Variants in SYNE1 observed in about 807,000 individuals in gnomAD.
SYNE1 encodes spectrin repeat containing nuclear envelope protein 1.
SYNE1 carries 616 observed loss-of-function variants against 1,111.0 expected under a neutral mutation model. The ratio of observed to expected loss-of-function variants is 0.55; its 90% CI spans 0.52 to 0.59. The LOEUF is 0.59. SYNE1 is among the 20% of genes least tolerant of loss of function. The probability of loss-of-function intolerance (pLI) is 0.00; values close to 1 mark genes in which losing one functional copy is unlikely to be tolerated. For missense variants in SYNE1, 10,006 were observed against 10,417.0 expected (o/e 0.96, Z 1.72); for synonymous variants, 3,855 against 3,825.8 (o/e 1.01, Z -0.28).
rs111683132 is a variant in SYNE1, at chr6:152,509,520, G to A, written c.581+673C>T. Among the ~76,000 whole-genome samples, 615 of 152,172 alleles carry A rather than the reference G, an allele frequency of 4.0e-3. 5 individuals carry two copies. The highest frequency in any genetic ancestry group is 0.014 in the Middle Eastern group (4 of 294). ...GATATGCCCACCTCAGCCTACCGAA[G>A]AGCTGGGATTATAGGCATGAGTCAC... On this transcript the variant is annotated intron_variant, in intron 8 of 145. Transcript: ENST00000367255.
At chr6:152,525,044 A>G (rs2099157310) in intron 5 of SYNE1, among the ~76,000 whole-genome samples, 1 of 152,184 alleles carries the variant, frequency 6.6e-6, no homozygotes, top group African/African-American at 2.4e-5. Context: ...CTGTCAGAGT[A>G]TATGGGAATG....
chr6:152,596,266 G>GTTTTTTTTTTTTTTTTTT (rs1480694776), intron 3 of SYNE1, among the ~76,000 whole-genome samples: 1 of 118,756 alleles, frequency 8.4e-6, no homozygotes, highest in African/African-American at 4.0e-5. Context: ...TTTTTTGTTT[G>GTTTTTTTTTTTTTTTTTT]TTTGTTTTTT....
chr6:152,437,581 T>C (rs920703812), intron 32 of SYNE1, among the ~76,000 whole-genome samples: 3 of 152,176 alleles, frequency 2.0e-5, no homozygotes, highest in Non-Finnish European at 4.4e-5. Flanking sequence ...ACTATTTTAA[T>C]TGAAAAGTTG....
At chr6:152,139,331 G>T (rs541313974) in intron 140 of SYNE1, among the ~76,000 whole-genome samples, 4 of 152,114 alleles carry the variant, frequency 2.6e-5, no homozygotes, top group Non-Finnish European at 5.9e-5. Flanking sequence ...AACACTTTGG[G>T]AGGCTGAGGT....
Position 152,334,270 on chromosome 6 carries a change from A to G in SYNE1, c.12532T>C (p.Phe4178Leu). 1.2e-6 allele frequency: 2 copies of G among 1,613,572 alleles called. No homozygotes were observed. Among genetic ancestry groups the G allele is most frequent in the Non-Finnish European group, 1.7e-6 (2 of 1,180,018 alleles). The part of the protein sequence containing the change: ...AQNMVSQVKD[F>L]VKKLQSKQAS... ...TGTTTGCTCTGTAGTTTCTTAACAA[A>G]ATCCTAAAGGATAACAGCAACAAAA... The change falls in exon 77 of 146, where the codon TTT becomes CTT. Residue 4178 changes from phenylalanine (F) to leucine (L), a missense_variant. Physicochemically the swap from Phe to Leu is conservative, Grantham distance 22. This residue lies in a region of SYNE1 where 4,955 missense variants were observed against 5,017.2 expected (regional missense o/e 0.99). Transcript: ENST00000367255.
At position 152,180,177 on chromosome 6, in the gene SYNE1, C is replaced by T. The variant is rs2067600593; in HGVS notation, c.23419G>A (p.Gly7807Arg). 1 of 1,614,102 alleles carries T rather than the reference C, an allele frequency of 6.2e-7. No individual in the cohort carries two copies. The highest frequency in any genetic ancestry group is 8.5e-7 in the Non-Finnish European group (1 of 1,179,998). ...TQMESKVSQN[G>R]DILIEEMIEK... ...ATCATTTCTTCAATGAGAATGTCTCCATTCTGAGAAACTTTGCTTTCCATT... is the reference window on the plus strand; with the variant it reads ...ATCATTTCTTCAATGAGAATGTCTCTATTCTGAGAAACTTTGCTTTCCATT... The change falls in exon 129 of 146, where the codon GGA becomes AGA. Residue 7807 changes from glycine (G) to arginine (R), a missense_variant. Around this residue, in one of 7 missense-constraint regions of SYNE1, gnomAD observed 2,182 missense variants for 2,287.8 expected, o/e 0.95. Coordinates refer to ENST00000367255, the MANE Select transcript of SYNE1 (RefSeq NM_182961.4).
chr6:152,364,891 C>A lies in SYNE1; in HGVS notation c.10101G>T (p.Lys3367Asn), dbSNP rs781043895. ...CAGACAAAAGGGATGCCCACATATC[C>A]TTCACACTCTGCAGCTGCTGCTGAA... Reference protein sequence around the residue: ...PTIQQQLQSVKDMWASLLSAG... With the variant: ...PTIQQQLQSVNDMWASLLSAG... The change falls in exon 63 of 146, where the codon AAG (lysine) becomes AAT (asparagine). Residue 3367 changes from lysine (K) to asparagine (N), a missense_variant. This residue lies in a region of SYNE1 where 4,955 missense variants were observed against 5,017.2 expected (regional missense o/e 0.99). Coordinates refer to ENST00000367255, the MANE Select transcript of SYNE1 (RefSeq NM_182961.4). The A allele has an allele frequency of 6.2e-6, 10 of 1,614,202 alleles. No individual in the cohort carries two copies. In the South Asian group the frequency reaches 1.1e-4, roughly 18 times the overall value.
intron 127 of SYNE1, among the ~76,000 whole-genome samples, chr6:152,197,862 G>A (rs1395801049): frequency 6.6e-6 from 1 of 152,172 alleles, no homozygotes; most frequent in Non-Finnish European, 1.5e-5. Flanking sequence ...CCCCTAACAA[G>A]AGAGTTAGCC....
intron 100 of SYNE1, among the ~76,000 whole-genome samples, chr6:152,262,980 G>A (rs557600905): frequency 1.3e-5 from 2 of 149,894 alleles, no homozygotes; most frequent in East Asian, 2.0e-4. Context: ...GACATGGAGG[G>A]GTAATACAGG....
intron 3 of SYNE1, among the ~76,000 whole-genome samples, chr6:152,552,165 C>T (rs145463782): frequency 4.8e-4 from 73 of 152,184 alleles, no homozygotes; most frequent in African/African-American, 1.3e-3. Flanking sequence ...TCACAGTGTT[C>T]GTATATTTTA....
chr6:152,327,276 AAAACAAACAAAC>A (rs35111293), intron 78 of SYNE1, among the ~76,000 whole-genome samples: 1 of 151,820 alleles, frequency 6.6e-6, no homozygotes, highest in East Asian at 2.0e-4. Flanking sequence ...TGTCTCTCAA[AAAACAAACAAAC>A]AAACAAACAT....
chr6:152,359,251 T>C (rs1001949957), intron 65 of SYNE1, 64 bp downstream of exon 65: 3 of 1,604,674 alleles, frequency 1.9e-6, no homozygotes, highest in African/African-American at 2.7e-5. Flanking sequence ...AATGAGTCTT[T>C]AAAGGAGCAC....
At chr6:152,417,322 C>A (rs573420109) in intron 40 of SYNE1, among the ~76,000 whole-genome samples, 3 of 152,246 alleles carry the variant, frequency 2.0e-5, no homozygotes, top group Admixed American at 6.5e-5. Flanking sequence ...CACGGTGAAA[C>A]CCCGTCTCTA....
chr6:152,395,575 A>G lies in SYNE1; in HGVS notation c.7653T>C (p.Pro2551=). Reference sequence around the variant, plus strand: ...CTTTATGAACTTCATTTTTCTTCTCAGGAATGTGCTGTTTACTCTCTCCCA... The same window carrying G: ...CTTTATGAACTTCATTTTTCTTCTCGGGAATGTGCTGTTTACTCTCTCCCA... ...ENLGESKQHI[P]EKKNEVHKVE... The change falls in exon 51 of 146, where the codon CCT becomes CCC. Residue 2551 remains proline, a synonymous_variant. Transcript: ENST00000367255. 1.2e-6 allele frequency: 2 copies of G among 1,614,142 alleles called. No homozygotes were observed. The highest frequency in any genetic ancestry group is 1.7e-6 in the Non-Finnish European group (2 of 1,180,004).
At chr6:152,427,922 C>T (rs2098385100) in intron 37 of SYNE1, 106 bp from the exon 38 acceptor site, 2 of 1,476,666 alleles carry the variant, frequency 1.4e-6, no homozygotes, top group Non-Finnish European at 1.9e-6. Flanking sequence ...TAAATACAGC[C>T]TCAGTTATCT....
chr6:152,459,043 T>C (rs1027168907), intron 21 of SYNE1, 113 bp from the exon 22 acceptor site: 3 of 923,876 alleles, frequency 3.2e-6, no homozygotes, highest in Middle Eastern at 3.1e-4. Context: ...ATTTGGTGCT[T>C]ACAAATATCC....
intron 3 of SYNE1, among the ~76,000 whole-genome samples, chr6:152,594,731 A>G (rs961634909): frequency 6.6e-6 from 1 of 152,176 alleles, no homozygotes; most frequent in African/African-American, 2.4e-5. Context: ...AAACTCTTCC[A>G]AGGAATTTCT....
intron 42 of SYNE1, among the ~76,000 whole-genome samples, chr6:152,411,713 ACACACACACACACACCCC>A (rs990508326): frequency 3.4e-5 from 4 of 117,600 alleles, no homozygotes; most frequent in African/African-American, 1.6e-4. Flanking sequence ...TTAAAGTCAC[ACACACACACACACACCCC>A]CACACACACA....
chr6:152,411,027 G>A (rs189229072), intron 42 of SYNE1, among the ~76,000 whole-genome samples: 1 of 152,270 alleles, frequency 6.6e-6, no homozygotes, highest in African/African-American at 2.4e-5. Context: ...AATTTAAAAT[G>A]CCTACAGAAA....
Sources: allele counts gnomAD v4.1 joint callset (sites outside exome capture counted in the v4.1 genomes callset), GRCh38; gene constraint gnomAD v4.1.1; regional missense constraint gnomAD v4.1.1; transcripts MANE v1.5; gene names NCBI Gene and HGNC (gene_info 2026-07-23, HGNC 2026-07-21).